Variants in GALNTL6 observed in about 807,000 individuals in gnomAD.
GALNTL6 encodes polypeptide N-acetylgalactosaminyltransferase-like 6.
A neutral mutation model predicts 73.7 loss-of-function variants in GALNTL6; 46 were observed. That is an observed-to-expected ratio of 0.62 (90% CI 0.49 to 0.80). The LOEUF is 0.80. GALNTL6 is among the 30% of genes least tolerant of loss of function. The pLI is 0.00. For synonymous variants in GALNTL6, 259 were observed against 263.7 expected, an observed-to-expected ratio of 0.98 and a Z score of 0.17; for missense variants, 604 against 755.0, an observed-to-expected ratio of 0.80 and a Z score of 2.34.
intron 5 of GALNTL6, among the ~76,000 whole-genome samples, chr4:172,429,040 C>A (rs1579063138): frequency 6.6e-6 from 1 of 151,988 alleles, no homozygotes; most frequent in Non-Finnish European, 1.5e-5. Flanking sequence ...ATGGTTAAGA[C>A]GTCTTCTCAC....
chr4:171,958,922 A>G (rs1739134697), intron 2 of GALNTL6, among the ~76,000 whole-genome samples: 2 of 152,124 alleles, frequency 1.3e-5, no homozygotes, highest in Admixed American at 6.5e-5. Flanking sequence ...GTCAAAAAGT[A>G]TCTTATAATA....
At chr4:172,389,450 A>G (rs567288019) in intron 5 of GALNTL6, among the ~76,000 whole-genome samples, 7 of 152,256 alleles carry the variant, frequency 4.6e-5, no homozygotes, top group Non-Finnish European at 7.4e-5. Context: ...TGCAGAAATT[A>G]TGGGAATGCA....
intron 10 of GALNTL6, among the ~76,000 whole-genome samples, chr4:172,970,522 A>T (rs1313144281): frequency 6.6e-6 from 1 of 152,140 alleles, no homozygotes; most frequent in East Asian, 1.9e-4. Context: ...TCTCCTACTT[A>T]CATGTCCGTG....
chr4:172,788,438 C>T (rs936143744), intron 5 of GALNTL6, among the ~76,000 whole-genome samples: 1 of 151,810 alleles, frequency 6.6e-6, no homozygotes, highest in South Asian at 2.1e-4. Flanking sequence ...TTTGGGAGGC[C>T]GAGACGGGTG....
At chr4:172,301,817 G>A (rs963790896) in intron 3 of GALNTL6, among the ~76,000 whole-genome samples, 1 of 152,152 alleles carries the variant, frequency 6.6e-6, no homozygotes, top group African/African-American at 2.4e-5. Flanking sequence ...CAGGGTTCAG[G>A]GACCCACTTG....
chr4:172,237,301 T>C (rs1444297779), intron 3 of GALNTL6, among the ~76,000 whole-genome samples: 1 of 152,210 alleles, frequency 6.6e-6, no homozygotes, highest in Non-Finnish European at 1.5e-5. Context: ...AATTCCACAA[T>C]GGCTGAACTA....
At chr4:172,187,527 C>A (rs1267755099) in intron 2 of GALNTL6, among the ~76,000 whole-genome samples, 2 of 152,004 alleles carry the variant, frequency 1.3e-5, no homozygotes, top group Non-Finnish European at 2.9e-5. Context: ...CAAAAGACTT[C>A]ATTTTTTGAC....
intron 7 of GALNTL6, among the ~76,000 whole-genome samples, chr4:172,844,053 C>T (rs531608490): frequency 4.1e-4 from 63 of 151,884 alleles, no homozygotes; most frequent in African/African-American, 1.3e-3. Flanking sequence ...AGTGAGACTC[C>T]GTCTTGAAAA....
chr4:171,880,645 G>A (rs374312052), intron 2 of GALNTL6, among the ~76,000 whole-genome samples: 2 of 152,100 alleles, frequency 1.3e-5, no homozygotes, highest in Admixed American at 6.6e-5. Flanking sequence ...AGAGTCAGAC[G>A]AAAGTAGAAT....
chr4:172,559,536 A>T (rs1736275605), intron 5 of GALNTL6, among the ~76,000 whole-genome samples: 1 of 152,156 alleles, frequency 6.6e-6, no homozygotes. Context: ...ATACATCATA[A>T]TCCGGATTAA....
chr4:172,969,992 G>T (rs184899508), intron 10 of GALNTL6, among the ~76,000 whole-genome samples: 4 of 152,214 alleles, frequency 2.6e-5, no homozygotes, highest in African/African-American at 9.6e-5. Flanking sequence ...GTGACATCAC[G>T]TATTGGTAGG....
intron 2 of GALNTL6, among the ~76,000 whole-genome samples, chr4:172,037,167 T>C (rs1221129168): frequency 6.6e-6 from 1 of 152,200 alleles, no homozygotes; most frequent in African/African-American, 2.4e-5. Flanking sequence ...TGCCCCTTAC[T>C]TTCTGCTAGT....
intron 7 of GALNTL6, among the ~76,000 whole-genome samples, chr4:172,828,123 T>C (rs1305682167): frequency 6.6e-6 from 1 of 151,512 alleles, no homozygotes; most frequent in Non-Finnish European, 1.5e-5. Context: ...AATACAAAAA[T>C]TCACCAGGCA....
intron 2 of GALNTL6, among the ~76,000 whole-genome samples, chr4:172,089,207 T>A (rs1334832007): frequency 6.6e-6 from 1 of 152,142 alleles, no homozygotes; most frequent in African/African-American, 2.4e-5. Context: ...CAAACAAATC[T>A]TTATTAAGAG....
chr4:171,926,369 C>T (rs1737985358), intron 2 of GALNTL6, among the ~76,000 whole-genome samples: 1 of 152,012 alleles, frequency 6.6e-6, no homozygotes, highest in African/African-American at 2.4e-5. Context: ...ATTCAGAAGG[C>T]TATTGTATGT....
intron 2 of GALNTL6, among the ~76,000 whole-genome samples, chr4:172,044,023 G>A (rs2110845249): frequency 6.6e-6 from 1 of 152,094 alleles, no homozygotes; most frequent in African/African-American, 2.4e-5. Flanking sequence ...GAAGGAAAAA[G>A]ATGAAGATGA....
chr4:172,157,997 C>T (rs1395058031), intron 2 of GALNTL6, among the ~76,000 whole-genome samples: 2 of 152,102 alleles, frequency 1.3e-5, no homozygotes, highest in African/African-American at 2.4e-5. Context: ...AAACTTTCAC[C>T]AGAAACAGAT....
chr4:172,974,621 G>T (rs985176356), intron 10 of GALNTL6, among the ~76,000 whole-genome samples: 15 of 152,310 alleles, frequency 9.8e-5, no homozygotes, highest in African/African-American at 2.9e-4. Flanking sequence ...GGTATCTTTG[G>T]TAGAGTTTTT....
At chr4:173,007,214 G>A (rs1372421131) in intron 10 of GALNTL6, among the ~76,000 whole-genome samples, 1 of 152,120 alleles carries the variant, frequency 6.6e-6, no homozygotes, top group African/African-American at 2.4e-5. Flanking sequence ...CACCCCAGCA[G>A]GAACAGGCCC....
Sources: allele counts gnomAD v4.1 joint callset (sites outside exome capture counted in the v4.1 genomes callset), GRCh38; gene constraint gnomAD v4.1.1; transcripts MANE v1.5; gene names NCBI Gene and HGNC (gene_info 2026-07-23, HGNC 2026-07-21).